The following GPATCH2L variants were observed in gnomAD, a reference collection of about 807,000 sequenced individuals.
GPATCH2L encodes G patch domain-containing protein 2-like.
Under a neutral mutation model 57.4 loss-of-function variants are expected in GPATCH2L, and 31 were observed. The ratio of observed to expected loss-of-function variants is 0.54; its 90% CI spans 0.41 to 0.73. The LOEUF is 0.73. Ranked by LOEUF, GPATCH2L falls within the 30% of genes least tolerant of loss-of-function variation. GPATCH2L has a pLI of 0.00. For missense variants in GPATCH2L, 481 were observed against 599.9 expected (o/e 0.80, Z 2.07); for synonymous variants, 199 against 210.7 (o/e 0.94, Z 0.48).
At chr14:76,157,887 T>A (rs1594904244) in intron 2 of GPATCH2L, among the ~76,000 whole-genome samples, 1 of 152,362 alleles carries the variant, frequency 6.6e-6, no homozygotes, top group Non-Finnish European at 1.5e-5. Flanking sequence ...GGTTATAGTA[T>A]AGTAGTTTTT....
Position 76,208,016 on chromosome 14 carries a change from C to T in GPATCH2L, c.*6165C>T, listed in dbSNP as rs1849286902. Reference sequence around the variant, plus strand: ...TCATGTCTGTAGGCTGTTAAGCTCTCATTTCAATTTTTGCAGTCTTTTAAA... The same window carrying T: ...TCATGTCTGTAGGCTGTTAAGCTCTTATTTCAATTTTTGCAGTCTTTTAAA... On this transcript the variant is annotated 3_prime_UTR_variant, in exon 10 of 10. Transcript: ENST00000261530. 6.6e-6 allele frequency: 1 copy of T among 152,164 alleles called. No individual in the cohort carries two copies. 9.4% of individuals were successfully genotyped at this position (152,164 alleles called of 1,614,324 possible). A position where few individuals can be genotyped will look rare whatever the true frequency, so the allele number is the denominator to read the frequency against.
intron 2 of GPATCH2L, chr14:76,230,204 A>G (rs1736844104): frequency 6.6e-6 from 1 of 152,182 alleles, no homozygotes; most frequent in Non-Finnish European, 1.5e-5. Flanking sequence ...CTTTGCTGAA[A>G]CACAGATGGA....
intron 8 of GPATCH2L, among the ~76,000 whole-genome samples, chr14:76,189,887 T>C (rs2039901468): frequency 6.6e-6 from 1 of 152,076 alleles, no homozygotes; most frequent in Non-Finnish European, 1.5e-5. Context: ...CTATACCCAG[T>C]TTTTTGAGGA....
At chr14:76,194,484 AGTGT>A (rs59406744) in intron 8 of GPATCH2L, among the ~76,000 whole-genome samples, 6 of 151,168 alleles carry the variant, frequency 4.0e-5, no homozygotes, top group South Asian at 2.1e-4. Flanking sequence ...GAGACATGAA[AGTGT>A]GTGTGTGTGT....
chr14:76,178,066 T>G, intron 7 of GPATCH2L, 24 bp downstream of exon 7: 1 of 1,575,866 alleles, frequency 6.3e-7, no homozygotes, highest in Non-Finnish European at 8.7e-7. Context: ...TTTCTTGTTA[T>G]TTTGATTTTC....
chr14:76,163,859 G>T (rs1265459756), intron 2 of GPATCH2L, among the ~76,000 whole-genome samples: 4 of 152,214 alleles, frequency 2.6e-5, no homozygotes, highest in Non-Finnish European at 5.9e-5. Flanking sequence ...AACATTCACT[G>T]AATGTCTGAT....
chr14:76,201,435 A>G (rs188070475), intron 9 of GPATCH2L, among the ~76,000 whole-genome samples: 19 of 152,350 alleles, frequency 1.2e-4, no homozygotes, highest in South Asian at 8.3e-4. Context: ...TTTTTACTAC[A>G]TTATGAATGC....
intron 1 of GPATCH2L, among the ~76,000 whole-genome samples, chr14:76,228,499 G>T (rs1200691323): frequency 6.6e-6 from 1 of 152,192 alleles, no homozygotes; most frequent in Non-Finnish European, 1.5e-5. Context: ...GGTTTTCCAA[G>T]GTCATCCTTT....
At chr14:76,231,622 T>TCACACAC (rs1555384995) in intron 2 of GPATCH2L, among the ~76,000 whole-genome samples, 2 of 147,366 alleles carry the variant, frequency 1.4e-5, no homozygotes, top group South Asian at 2.2e-4. Context: ...ACTAAACACA[T>TCACACAC]ACACACACAC....
chr14:76,172,544 G>A (rs1356433702), intron 4 of GPATCH2L, among the ~76,000 whole-genome samples: 1 of 152,122 alleles, frequency 6.6e-6, no homozygotes, highest in African/African-American at 2.4e-5. Flanking sequence ...CAAAGTGGGT[G>A]GAAAGAACCT....
At chr14:76,165,118 A>G (rs145087249) in intron 2 of GPATCH2L, among the ~76,000 whole-genome samples, 3 of 152,324 alleles carry the variant, frequency 2.0e-5, no homozygotes, top group African/African-American at 7.2e-5. Context: ...CTTTCTAGCA[A>G]TGTTATAATA....
At chr14:76,190,049 C>T (rs926194616) in intron 8 of GPATCH2L, among the ~76,000 whole-genome samples, 1 of 152,022 alleles carries the variant, frequency 6.6e-6, no homozygotes, top group African/African-American at 2.4e-5. Context: ...CCAAATCTAA[C>T]GCAGTCACTT....
At chr14:76,152,269 G>A (rs1170747906) in intron 1 of GPATCH2L, among the ~76,000 whole-genome samples, 3 of 150,628 alleles carry the variant, frequency 2.0e-5, no homozygotes, top group Non-Finnish European at 3.0e-5. Context: ...CCGAGCCATG[G>A]TCGCCCCAGC....
chr14:76,207,841 T>C lies in GPATCH2L; in HGVS notation c.*5990T>C, dbSNP rs2040396257. On this transcript the variant is annotated 3_prime_UTR_variant, in exon 10 of 10. Coordinates refer to ENST00000261530, the MANE Select transcript of GPATCH2L (RefSeq NM_017926.4). The stretch of plus-strand genomic sequence containing the variant: ...TTGAAAAGAAACCATGGCCATTTTT[T>C]CTTCATATTTTACCTTTATTAATTG... 1.3e-5 allele frequency: 2 copies of C among 152,210 alleles called. No individual in the cohort carries two copies. Among genetic ancestry groups the C allele is most frequent in the South Asian group, 4.1e-4 (2 of 4,832 alleles). 9.4% of individuals were successfully genotyped at this position (152,210 alleles called of 1,614,324 possible). A position where few individuals can be genotyped will look rare whatever the true frequency, so the allele number is the denominator to read the frequency against.
At chr14:76,191,335 T>G (rs936440641) in intron 8 of GPATCH2L, among the ~76,000 whole-genome samples, 1 of 152,098 alleles carries the variant, frequency 6.6e-6, no homozygotes, top group African/African-American at 2.4e-5. Flanking sequence ...CTTCTTTAAT[T>G]TTTTATGTCT....
downstream of GPATCH2L, among the ~76,000 whole-genome samples, chr14:76,217,332 T>G (rs2040494167): frequency 6.6e-6 from 1 of 152,162 alleles, no homozygotes; most frequent in Non-Finnish European, 1.5e-5. Context: ...TAAAAAAGAC[T>G]GTGGACCCAT....
rs1335873883 is a variant in GPATCH2L at position 76,182,355 on chromosome 14, T to A, written c.1193+1506T>A. On this transcript the variant is annotated intron_variant, in intron 8 of 9. Coordinates refer to ENST00000261530, the MANE Select transcript of GPATCH2L (RefSeq NM_017926.4). ...CTGGGGGACAGAGCGAGACCCCGTC[T>A]CAGAAAAGAAAAAAAAAAAAAAAAA... is the stretch of plus-strand genomic sequence containing the variant. Among the ~76,000 whole-genome samples, 4 of 34,152 alleles carry A rather than the reference T, an allele frequency of 1.2e-4. No homozygotes were observed. The Admixed American group carries it at 1.7e-3, about 15-fold the overall frequency. The allele number at this position is 34,152 out of a possible 152,430, so 22.4% of individuals were successfully genotyped here.
intron 2 of GPATCH2L, among the ~76,000 whole-genome samples, chr14:76,165,890 C>G (rs2038812619): frequency 1.3e-5 from 2 of 152,118 alleles, no homozygotes; most frequent in Admixed American, 1.3e-4. Context: ...AAATTTTTGA[C>G]TCTCTTGGAA....
chr14:76,224,151 C>T (rs1411303857), intron 1 of GPATCH2L, among the ~76,000 whole-genome samples: 1 of 152,112 alleles, frequency 6.6e-6, no homozygotes, highest in Non-Finnish European at 1.5e-5. Context: ...GGCCATATTC[C>T]ACTTACATGA....
Sources: allele counts gnomAD v4.1 joint callset (sites outside exome capture counted in the v4.1 genomes callset), GRCh38; gene constraint gnomAD v4.1.1; transcripts MANE v1.5; gene names NCBI Gene and HGNC (gene_info 2026-07-23, HGNC 2026-07-21).